The following SLC43A2 variants were observed in gnomAD, a reference collection of about 807,000 sequenced individuals.
SLC43A2 encodes solute carrier family 43 member 2.
In SLC43A2, 38 loss-of-function variants were observed where a neutral mutation model predicts 63.2. The ratio of observed to expected loss-of-function variants is 0.60; its 90% CI spans 0.46 to 0.79. SLC43A2 has a LOEUF of 0.79. Ranked by LOEUF, SLC43A2 falls within the 30% of genes least tolerant of loss-of-function variation. SLC43A2 has a pLI of 0.00. For synonymous variants in SLC43A2, 322 were observed against 331.0 expected, an observed-to-expected ratio of 0.97 and a Z score of 0.30; for missense variants, 644 against 756.2, an observed-to-expected ratio of 0.85 and a Z score of 1.74.
chr17:1,616,828 C>A, intron 2 of SLC43A2, 59 bp from the exon 3 acceptor site: 1 of 1,582,248 alleles, frequency 6.3e-7, no homozygotes, highest in Non-Finnish European at 8.6e-7. Context: ...TCCCAAAGAT[C>A]AGAAGGGCAG....
rs763166760 is a variant in SLC43A2, at chr17:1,616,626, T to C, written c.304A>G (p.Ile102Val). ...ATGACGATACCCAGGGGCAGGGTGA[T>C]GGCACTGAGCAGAAAGGAGCCCACA... ...FTVGSFLLSA[I>V]TLPLGIVMDK... The change falls in exon 3 of 14, where the codon ATC becomes GTC. Residue 102 changes from isoleucine (I) to valine (V), a missense_variant. Transcript: ENST00000301335. 7 of 1,614,114 alleles carry C rather than the reference T, an allele frequency of 4.3e-6. No homozygotes were observed. In the South Asian group the frequency reaches 7.7e-5, roughly 18 times the overall value.
chr17:1,607,702 T>C (rs896464237), intron 5 of SLC43A2, among the ~76,000 whole-genome samples: 1 of 151,646 alleles, frequency 6.6e-6, no homozygotes, highest in Non-Finnish European at 1.5e-5. Flanking sequence ...ACTTTTTCCA[T>C]AAAGGGCCAG....
intron 5 of SLC43A2, among the ~76,000 whole-genome samples, chr17:1,608,543 G>A (rs1174570484): frequency 6.6e-6 from 1 of 152,106 alleles, no homozygotes; most frequent in Non-Finnish European, 1.5e-5. Flanking sequence ...ACAGGAACAT[G>A]CCACCATCCC....
chr17:1,591,916 G>A (rs939185791), intron 6 of SLC43A2, among the ~76,000 whole-genome samples: 9 of 152,318 alleles, frequency 5.9e-5, no homozygotes, highest in Admixed American at 3.3e-4. Flanking sequence ...TGGGCCTGGC[G>A]TGTGATTAGC....
At chr17:1,582,066 A>C (rs986455873) in intron 11 of SLC43A2, among the ~76,000 whole-genome samples, 38 of 145,464 alleles carry the variant, frequency 2.6e-4, no homozygotes, top group African/African-American at 9.8e-4. Flanking sequence ...CAGCCTCCCA[A>C]AGTGTTTTGG....
At position 1,627,800 on chromosome 17, in the gene SLC43A2, G is replaced by A. The variant is rs1453819333; in HGVS notation, c.75C>T (p.Leu25=). The change falls in exon 2 of 14, where the codon CTC becomes CTT. Residue 25 remains leucine (L), a synonymous_variant. Transcript: ENST00000301335. ...CCCAGCCCAGGAGGACTGCCGAGAA[G>A]AGGAGGTTCTCCAGCACGGCCGTGC... The part of the protein sequence containing the change: ...MACTAVLENL[L]FSAVLLGWGS... 2 of 1,598,082 alleles carry A rather than the reference G, an allele frequency of 1.3e-6. No individual in the cohort carries two copies. Among genetic ancestry groups the A allele is most frequent in the Non-Finnish European group, 1.7e-6 (2 of 1,172,598 alleles).
chr17:1,594,693 T>G (rs1303760042), intron 5 of SLC43A2, among the ~76,000 whole-genome samples: 1 of 148,516 alleles, frequency 6.7e-6, no homozygotes, highest in Non-Finnish European at 1.5e-5. Flanking sequence ...GTTCACGCCA[T>G]TCTCCTGCCT....
Position 1,593,113 on chromosome 17 carries a change from C to G in SLC43A2, c.594+74G>C, listed in dbSNP as rs1904977382. On this transcript the variant is annotated intron_variant, in intron 6 of 13. Transcript: ENST00000301335. This position sits in a 1 kb window ranked among gnomAD's most constrained non-coding sequence, Gnocchi z 5.3. ...CCACCCCGGGTGCCCACAATTGCCT[C>G]CCTCTTCAGAGAGGGTGGAAGGAGC... 5 of 1,466,936 alleles carry G rather than the reference C, an allele frequency of 3.4e-6. No individual in the cohort carries two copies. The highest frequency in any genetic ancestry group is 4.7e-6 in the Non-Finnish European group (5 of 1,064,396). The allele number at this position is 1,466,936 out of a possible 1,614,324, so 90.9% of individuals were successfully genotyped here. A position where few individuals can be genotyped will look rare whatever the true frequency, so the allele number is the denominator to read the frequency against.
rs969865520 is a variant in SLC43A2, at chr17:1,577,997, G to A, written c.1424+253C>T. On this transcript the variant is annotated intron_variant, in intron 12 of 13. Transcript: ENST00000301335. This position sits in a 1 kb window ranked among gnomAD's most constrained non-coding sequence, Gnocchi z 4.9. ...GCTGCACAGGTGCCTGACCCTGGCT[G>A]GGGGAACTGACTTCGTGTTGAATGC... Among the ~76,000 whole-genome samples, 2 of 152,220 alleles carry A rather than the reference G, an allele frequency of 1.3e-5. No individual in the cohort carries two copies. Among genetic ancestry groups the A allele is most frequent in the East Asian group, 1.9e-4 (1 of 5,194 alleles).
At position 1,575,768 on chromosome 17, in the gene SLC43A2, G is replaced by A. The variant is rs754361042; in HGVS notation, c.1549-3C>T. The A allele has an allele frequency of 6.2e-7, 1 of 1,607,508 alleles. No homozygotes were observed. Among genetic ancestry groups the A allele is most frequent in the African/African-American group, 1.3e-5 (1 of 74,806 alleles). ...AGAAGGAGCAGCCCCACGTTCACCTGGGGAGGCAGGGAGGCCGCGCATCAC... is the reference window on the plus strand; with the variant it reads ...AGAAGGAGCAGCCCCACGTTCACCTAGGGAGGCAGGGAGGCCGCGCATCAC... On this transcript the variant is annotated splice_region_variant and splice_polypyrimidine_tract_variant and intron_variant, in intron 13 of 13. Coordinates refer to ENST00000301335, the MANE Select transcript of SLC43A2 (RefSeq NM_152346.3).
intron 13 of SLC43A2, 118 bp downstream of exon 13, chr17:1,576,479 C>G: frequency 8.4e-7 from 1 of 1,197,216 alleles, no homozygotes; most frequent in Non-Finnish European, 1.1e-6. Context: ...CTTAACCAAT[C>G]CTAACCAACG....
In SLC43A2 at chr17:1,577,472, G is replaced by C. The variant is rs928721651; in HGVS notation, c.1425-752C>G. 1.3e-5 allele frequency among the ~76,000 whole-genome samples: 2 copies of C among 152,228 alleles called. No individual in the cohort carries two copies. The highest frequency in any genetic ancestry group is 4.8e-5 in the African/African-American group (2 of 41,464). On this transcript the variant is annotated intron_variant, in intron 12 of 13. Transcript: ENST00000301335. This position sits in a 1 kb window ranked among gnomAD's most constrained non-coding sequence, Gnocchi z 4.9. ...CCACAGCTTCCTCCAGGCCTGGGGA[G>C]GGGCAGGCGGAGGGCAAGCGGAGCT...
Position 1,616,648 on chromosome 17 carries a change from C to T in SLC43A2, c.282G>A (p.Val94=). The change falls in exon 3 of 14, where the codon GTG becomes GTA. Residue 94 remains valine, a synonymous_variant. Coordinates refer to ENST00000301335, the MANE Select transcript of SLC43A2 (RefSeq NM_152346.3). ...TGATGGCACTGAGCAGAAAGGAGCC[C>T]ACAGTGAAGGCCAAATTTAGCATCT... ...QDEMLNLAFT[V]GSFLLSAITL... is the part of the protein sequence containing the mutation. 6.2e-7 allele frequency: 1 copy of T among 1,614,166 alleles called. No individual in the cohort carries two copies. The highest frequency in any genetic ancestry group is 1.1e-5 in the South Asian group (1 of 91,088).
In SLC43A2 at chr17:1,615,109, G is replaced by A; in HGVS notation, c.369-75C>T. 4.5e-6 allele frequency: 7 copies of A among 1,563,784 alleles called. No homozygotes were observed. In the South Asian group the frequency reaches 8.0e-5, roughly 18 times the overall value. ...GTGTTATTGTTTTGTTTTTGTTTTT[G>A]GTTTTTGGTTTTTCTTGAGACAGAG... On this transcript the variant is annotated intron_variant, in intron 3 of 13. Transcript: ENST00000301335.
chr17:1,593,247 C>A lies in SLC43A2; in HGVS notation c.534G>T (p.Thr178=), dbSNP rs763592295. The change falls in exon 6 of 14, where the codon ACG becomes ACT. Residue 178 remains threonine (T), a synonymous_variant. Coordinates refer to ENST00000301335, the MANE Select transcript of SLC43A2 (RefSeq NM_152346.3). The surrounding 1 kb of genome is among the most constrained non-coding windows in gnomAD (Gnocchi z 5.3). ...AGGACCCAATCATCAAGGCAATAAA[C>A]GTGGACCGAAGGTCGCCGAACATGT... is the stretch of plus-strand genomic sequence containing the variant. ...LPNMFGDLRS[T]FIALMIGSYA... 1.2e-6 allele frequency: 2 copies of A among 1,614,064 alleles called. No individual in the cohort carries two copies. Among genetic ancestry groups the A allele is most frequent in the East Asian group, 2.2e-5 (1 of 44,890 alleles).
intron 9 of SLC43A2, among the ~76,000 whole-genome samples, chr17:1,587,452 C>T (rs1199906040): frequency 6.6e-6 from 1 of 152,234 alleles, no homozygotes; most frequent in South Asian, 2.1e-4. Context: ...TGGGTCTCCT[C>T]CAGATGGCCA....
intron 11 of SLC43A2, among the ~76,000 whole-genome samples, chr17:1,580,719 GC>G (rs35007897): frequency 0.44 from 64,863 of 148,642 alleles, 14,952 homozygotes; most frequent in African/African-American, 0.54. Flanking sequence ...GTGCCACCAG[GC>G]CCGGCTAATT....
intron 4 of SLC43A2, among the ~76,000 whole-genome samples, chr17:1,613,869 CAGG>C (rs1262231060): frequency 6.6e-6 from 1 of 152,078 alleles, no homozygotes; most frequent in African/African-American, 2.4e-5. Context: ...GAGGCTGAAG[CAGG>C]AGAATTGCTT....
chr17:1,616,481 G>A (rs3809800), intron 3 of SLC43A2, 81 bp downstream of exon 3: 258,958 of 1,377,444 alleles, frequency 0.19, 25,401 homozygotes, highest in South Asian at 0.23. Context: ...TATCAGGTAC[G>A]ACCAGGATAC....
Sources: gnomAD v4.1 joint callset for allele counts (sites outside exome capture counted in the v4.1 genomes callset) on GRCh38, gnomAD v4.1.1 for gene constraint, Gnocchi (gnomAD v3.1) non-coding constraint, MANE v1.5 for transcripts, NCBI Gene and HGNC (gene_info 2026-07-23, HGNC 2026-07-21) for gene names.